ZNF106: variants seen among roughly 807,000 people sequenced by gnomAD.
ZNF106 encodes the protein zinc finger protein 106.
A neutral mutation model predicts 195.1 loss-of-function variants in ZNF106; 67 were observed. That is an observed-to-expected ratio of 0.34 (90% CI 0.28 to 0.42). ZNF106 has a LOEUF of 0.42. Ranked by LOEUF, ZNF106 falls within the 10% of genes least tolerant of loss-of-function variation. The probability of loss-of-function intolerance (pLI) is 1.00; values close to 1 mark genes in which losing one functional copy is unlikely to be tolerated. For missense variants in ZNF106, 2,118 were observed against 2,304.5 expected, an observed-to-expected ratio of 0.92 and a Z score of 1.66; for synonymous variants, 784 against 818.6, an observed-to-expected ratio of 0.96 and a Z score of 0.72.
chr15:42,430,524 C>T (rs1013400990), intron 14 of ZNF106, among the ~76,000 whole-genome samples: 2 of 151,914 alleles, frequency 1.3e-5, no homozygotes, highest in Non-Finnish European at 2.9e-5. Flanking sequence ...GAACTACAGG[C>T]GTGGGCCATC....
chr15:42,448,345 A>T lies in ZNF106; in HGVS notation c.2862T>A (p.Ala954=), dbSNP rs764407279. The change falls in exon 6 of 22, where the codon GCT becomes GCA. Residue 954 remains alanine (A), a synonymous_variant. Coordinates refer to ENST00000564754, the MANE Select transcript of ZNF106 (RefSeq NM_001366845.3). Reference sequence around the variant, plus strand: ...ATTGTGCACTATGTCGCCTTTGGGTAGCAACATTTTCAGCCCTTTCACCTG... The same window carrying T: ...ATTGTGCACTATGTCGCCTTTGGGTTGCAACATTTTCAGCCCTTTCACCTG... ...LRTGERAENV[A]TQRRHSAQLS... 1 of 1,614,184 alleles carries T rather than the reference A, an allele frequency of 6.2e-7. No homozygotes were observed. The highest frequency in any genetic ancestry group is 1.1e-5 in the South Asian group (1 of 91,090).
chr15:42,454,737 A>T (rs116853380), intron 4 of ZNF106, among the ~76,000 whole-genome samples: 2 of 151,706 alleles, frequency 1.3e-5, no homozygotes, highest in Admixed American at 6.6e-5. Context: ...TAAAAATAAA[A>T]AAAAAAAAAT....
intron 14 of ZNF106, among the ~76,000 whole-genome samples, chr15:42,434,893 C>G (rs1021158150): frequency 2.0e-5 from 3 of 151,986 alleles, no homozygotes; most frequent in Non-Finnish European, 4.4e-5. Flanking sequence ...CCTGCCTCAG[C>G]CTCCCAAGTA....
chr15:42,421,627 C>G (rs940821589), intron 19 of ZNF106, among the ~76,000 whole-genome samples: 3 of 152,200 alleles, frequency 2.0e-5, no homozygotes, highest in Non-Finnish European at 4.4e-5. Context: ...TTCCAGTGTT[C>G]CATTCAGATC....
At chr15:42,423,001 G>C (rs1595862675) in intron 17 of ZNF106, among the ~76,000 whole-genome samples, 2 of 152,056 alleles carry the variant, frequency 1.3e-5, no homozygotes, top group African/African-American at 4.8e-5. Context: ...ACCAGGAACT[G>C]AGCTTCAAAA....
At position 42,451,521 on chromosome 15, in the gene ZNF106, T is replaced by G. The variant is rs763148296; in HGVS notation, c.751A>C (p.Ser251Arg). The G allele has an allele frequency of 1.7e-5, 28 of 1,614,250 alleles. No homozygotes were observed. The South Asian group carries it at 3.1e-4, about 18-fold the overall frequency. The stretch of plus-strand genomic sequence containing the variant: ...TTCCAATTATTTGTACTACGTACAC[T>G]GGATTTCCAGTTTCCGTTACTGTTG... ...MNNSNGNWKS[S>R]VRSTNNWNYS... Residue 251 changes from serine (S) to arginine (R), a missense_variant, in exon 5 of 22, where the codon AGT becomes CGT. Ser to Arg is a moderately radical substitution (Grantham distance 110). Transcript: ENST00000564754.
At position 42,417,874 on chromosome 15, in the gene ZNF106, G is replaced by C. The variant is rs752102393; in HGVS notation, c.5595C>G (p.Asn1865Lys). Residue 1865 changes from asparagine (N) to lysine (K), a missense_variant, in exon 21 of 22, where the codon AAC (asparagine) becomes AAG (lysine). Physicochemically the swap from Asn to Lys is moderately conservative, Grantham distance 94. Transcript: ENST00000564754. ...QHLLTDHTNPNFQTLKCRWKN... is the reference protein window; with the variant it reads ...QHLLTDHTNPKFQTLKCRWKN... Reference sequence around the variant, plus strand: ...TCCAGCGACATTTCAGAGTCTGGAAGTTGGGATTAGTGTGGTCGGTCAGCA... The same window carrying C: ...TCCAGCGACATTTCAGAGTCTGGAACTTGGGATTAGTGTGGTCGGTCAGCA... The C allele has an allele frequency of 5.0e-6, 8 of 1,614,074 alleles. 1 individual carries two copies. In the South Asian group the frequency reaches 8.8e-5, roughly 18 times the overall value.
chr15:42,436,511 A>C, intron 13 of ZNF106, among the ~76,000 whole-genome samples: 1 of 152,098 alleles, frequency 6.6e-6, no homozygotes, highest in East Asian at 1.9e-4. Context: ...TAACTTTTTA[A>C]TTTTCACTGA....
At chr15:42,437,191 A>T (rs769099802) in intron 13 of ZNF106, 41 bp downstream of exon 13, 3 of 1,577,046 alleles carry the variant, frequency 1.9e-6, no homozygotes, top group Non-Finnish European at 2.6e-6. Context: ...GATTTTCCAA[A>T]ACCTGCAACC....
At chr15:42,429,503 G>T (rs575334046) in intron 14 of ZNF106, among the ~76,000 whole-genome samples, 2 of 151,906 alleles carry the variant, frequency 1.3e-5, no homozygotes, top group South Asian at 4.2e-4. Context: ...TTTTAAGTGG[G>T]CTTGGCTGTA....
rs2054341102 is a variant in ZNF106, at chr15:42,413,573, T to G, written c.*3731A>C. ...AAAATAAACCATTCCACTAAGTATA[T>G]ACCTACTCCCACCAAATCATCCACA... On this transcript the variant is annotated 3_prime_UTR_variant, in exon 22 of 22. Transcript: ENST00000564754. 6.6e-6 allele frequency: 1 copy of G among 152,616 alleles called. No individual in the cohort carries two copies. The highest frequency in any genetic ancestry group is 6.5e-5 in the Admixed American group (1 of 15,286). 9.5% of individuals were successfully genotyped at this position (152,616 alleles called of 1,614,324 possible).
At chr15:42,448,836 C>T (rs764775448) in intron 5 of ZNF106, 131 bp from the exon 6 acceptor site, 1 of 849,902 alleles carries the variant, frequency 1.2e-6, no homozygotes, top group Non-Finnish European at 1.8e-6. Flanking sequence ...CTTCAAGGGG[C>T]TCACAGTCTA....
At chr15:42,444,163 G>A (rs113065982) in intron 9 of ZNF106, 39 bp downstream of exon 9, 3 of 821,834 alleles carry the variant, frequency 3.7e-6, no homozygotes, top group East Asian at 3.3e-5. Flanking sequence ...AAAGTAACAC[G>A]CTATAGAGGG....
intron 15 of ZNF106, among the ~76,000 whole-genome samples, chr15:42,425,948 C>T (rs1174598799): frequency 2.6e-5 from 4 of 152,092 alleles, no homozygotes; most frequent in Admixed American, 6.5e-5. Context: ...AGACTTCTTT[C>T]CTTCATCCCC....
At position 42,451,936 on chromosome 15, in the gene ZNF106, A is replaced by C. The variant is rs774276143; in HGVS notation, c.336T>G (p.Asn112Lys). ...CATCAGAGTTTATTTCTTGGTTGCTATTGGAAGGTTCATCTTGTCTGGAAG... is the reference window on the plus strand; with the variant it reads ...CATCAGAGTTTATTTCTTGGTTGCTCTTGGAAGGTTCATCTTGTCTGGAAG... ...KEQSRQDEPS[N>K]SNQEINSDDR... Residue 112 changes from asparagine to lysine, a missense_variant, in exon 5 of 22, where the codon AAT becomes AAG. Asn to Lys is a moderately conservative substitution (Grantham distance 94). Coordinates refer to ENST00000564754, the MANE Select transcript of ZNF106 (RefSeq NM_001366845.3). The C allele has an allele frequency of 1.2e-6, 2 of 1,609,468 alleles. No homozygotes were observed. The highest frequency in any genetic ancestry group is 1.7e-5 in the Admixed American group (1 of 59,170).
chr15:42,480,551 G>A lies in ZNF106; in HGVS notation c.-32-8230C>T, dbSNP rs192772188. On this transcript the variant is annotated intron_variant, in intron 1 of 21. Coordinates refer to ENST00000564754, the MANE Select transcript of ZNF106 (RefSeq NM_001366845.3). ...TTTTTGTTCAGTTATACCTGTTTCT[G>A]TCTTGTTTGGATTATTCACTTTAAT... 3.6e-4 allele frequency among the ~76,000 whole-genome samples: 55 copies of A among 152,190 alleles called. No homozygotes were observed. The Middle Eastern group carries it at 0.017, about 47-fold the overall frequency.
chr15:42,424,971 G>A lies in ZNF106; in HGVS notation c.5053C>T (p.Leu1685Phe). 6.2e-7 allele frequency: 1 copy of A among 1,614,184 alleles called. No individual in the cohort carries two copies. The highest frequency in any genetic ancestry group is 8.5e-7 in the Non-Finnish European group (1 of 1,180,022). Reference sequence around the variant, plus strand: ...CGGGCACCTTCCTGAGCTGTAGCAAGACAGCTGACTGCCCGAGGGCCATGG... The same window carrying A: ...CGGGCACCTTCCTGAGCTGTAGCAAAACAGCTGACTGCCCGAGGGCCATGG... ...ECHGPRAVSC[L>F]ATAQEGARKL... The change falls in exon 16 of 22, where the codon CTT becomes TTT. Residue 1685 changes from leucine (L) to phenylalanine (F), a missense_variant. Leu to Phe is a conservative substitution (Grantham distance 22). Transcript: ENST00000564754.
rs746408594 is a variant in ZNF106, at chr15:42,439,696, C to T, written c.3881G>A (p.Arg1294Lys). ...SQELKFSVEQ[R>K]NTRNRENSPS... ...AGAGTTTTCTCTGTTTCTGGTATTT[C>T]TTTGCTCCACAGAAAACTTCAGTTC... Residue 1294 changes from arginine to lysine, a missense_variant, in exon 11 of 22, where the codon AGA becomes AAA. Transcript: ENST00000564754. 6.2e-7 allele frequency: 1 copy of T among 1,613,986 alleles called. No individual in the cohort carries two copies. Among genetic ancestry groups the T allele is most frequent in the Non-Finnish European group, 8.5e-7 (1 of 1,179,962 alleles).
intron 2 of ZNF106, among the ~76,000 whole-genome samples, chr15:42,471,885 G>C (rs1196614957): frequency 6.6e-6 from 1 of 152,182 alleles, no homozygotes; most frequent in African/African-American, 2.4e-5. Flanking sequence ...TAATCAAAAA[G>C]TACATGATTT....
Sources: allele counts gnomAD v4.1 joint callset (sites outside exome capture counted in the v4.1 genomes callset), GRCh38; gene constraint gnomAD v4.1.1; transcripts MANE v1.5; gene names NCBI Gene and HGNC (gene_info 2026-07-23, HGNC 2026-07-21).